The following CPOX variants were observed in gnomAD, a reference collection of about 807,000 sequenced individuals.
The protein encoded by CPOX is oxygen-dependent coproporphyrinogen-III oxidase, mitochondrial.
A neutral mutation model predicts 48.9 loss-of-function variants in CPOX; 24 were observed. The observed-to-expected ratio is 0.49, with a 90% CI of 0.36 to 0.69. CPOX has a LOEUF of 0.69. CPOX is among the 30% of genes least tolerant of loss of function. CPOX has a pLI of 0.00. For missense variants in CPOX, 549 were observed against 597.3 expected (o/e 0.92, Z 0.84); for synonymous variants, 249 against 234.6 (o/e 1.06, Z -0.56).
At chr3:98,588,571 T>A (rs1417541122) in intron 4 of CPOX, 142 bp downstream of exon 4, 4 of 762,122 alleles carry the variant, frequency 5.2e-6, no homozygotes, top group Non-Finnish European at 8.9e-6. Flanking sequence ...TTAAAACCAG[T>A]ATTCTAATTC....
chr3:98,576,918 G>T (rs182460360), downstream of CPOX, among the ~76,000 whole-genome samples: 302 of 152,264 alleles, frequency 2.0e-3, no homozygotes, highest in African/African-American at 7.1e-3. Context: ...AATAAGGAAA[G>T]ATCCACCTTC....
At position 98,580,438 on chromosome 3, in the gene CPOX, A is replaced by T; in HGVS notation, c.*245T>A. On this transcript the variant is annotated 3_prime_UTR_variant, in exon 7 of 7. Coordinates refer to ENST00000647941, the MANE Select transcript of CPOX (RefSeq NM_000097.7). ...GGAAACTCAATGTCCTATTTTGTAAACTAGTCATATAAAATGACACTAGAA... is the reference window on the plus strand; with the variant it reads ...GGAAACTCAATGTCCTATTTTGTAATCTAGTCATATAAAATGACACTAGAA... 1 of 1,324,126 alleles carries T rather than the reference A, an allele frequency of 7.6e-7. No homozygotes were observed. The allele number at this position is 1,324,126 out of a possible 1,614,324, so 82.0% of individuals were successfully genotyped here.
chr3:98,577,213 T>A (rs1041841716), downstream of CPOX, among the ~76,000 whole-genome samples: 27 of 151,898 alleles, frequency 1.8e-4, no homozygotes, highest in Non-Finnish European at 3.7e-4. Flanking sequence ...CACAGAGAAA[T>A]GTAGAAGATA....
At chr3:98,573,455 C>T in the CPOX span, among the ~76,000 whole-genome samples, 1 of 152,030 alleles carries the variant, frequency 6.6e-6, no homozygotes, top group Non-Finnish European at 1.5e-5. Context: ...TTCTTTGCCT[C>T]TCCTCTTTTT....
downstream of CPOX, among the ~76,000 whole-genome samples, chr3:98,577,280 T>C (rs1707177010): frequency 6.6e-6 from 1 of 152,184 alleles, no homozygotes; most frequent in African/African-American, 2.4e-5. Context: ...CAGACTGACT[T>C]TAGAATTCTG....
intron 5 of CPOX, among the ~76,000 whole-genome samples, chr3:98,582,345 G>A (rs1707273589): frequency 6.6e-6 from 1 of 152,106 alleles, no homozygotes; most frequent in Non-Finnish European, 1.5e-5. Context: ...TCAATAAACA[G>A]TGCCCCTTTC....
intron 4 of CPOX, among the ~76,000 whole-genome samples, chr3:98,587,328 A>G (rs1707383148): frequency 6.6e-6 from 1 of 152,096 alleles, no homozygotes; most frequent in South Asian, 2.1e-4. Flanking sequence ...TCTCTCTTTA[A>G]AACATTACAA....
chr3:98,590,893 G>T (rs530350519), intron 2 of CPOX, 119 bp downstream of exon 2: 2 of 1,288,940 alleles, frequency 1.6e-6, no homozygotes, highest in Admixed American at 1.8e-5. Context: ...ATTTGTCAAC[G>T]TGCGGCATAT....
chr3:98,575,515 G>C (rs533388968), downstream of CPOX, among the ~76,000 whole-genome samples: 1 of 152,206 alleles, frequency 6.6e-6, no homozygotes, highest in Non-Finnish European at 1.5e-5. Flanking sequence ...CTTGTAGGCC[G>C]GGCACCGTGG....
the CPOX span, among the ~76,000 whole-genome samples, chr3:98,570,553 G>A: frequency 1.3e-5 from 2 of 152,026 alleles, no homozygotes; most frequent in South Asian, 4.1e-4. Context: ...AAATACGTGG[G>A]AAAAATACTT....
chr3:98,593,534 T>C lies in CPOX; in HGVS notation c.-30A>G. On this transcript the variant is annotated 5_prime_UTR_variant, in exon 1 of 7. Transcript: ENST00000647941. ...CCGCACTATCACCTGGAGCAGTGCC[T>C]GCGTCCCAGAGCCCTGCGTTTGAGC... 1 of 1,512,170 alleles carries C rather than the reference T, an allele frequency of 6.6e-7. No homozygotes were observed. Among genetic ancestry groups the C allele is most frequent in the Non-Finnish European group, 8.8e-7 (1 of 1,135,304 alleles). 93.7% of individuals were successfully genotyped at this position (1,512,170 alleles called of 1,614,324 possible). A position where few individuals can be genotyped will look rare whatever the true frequency, so the allele number is the denominator to read the frequency against.
the CPOX span, among the ~76,000 whole-genome samples, chr3:98,572,642 T>TATA: frequency 6.6e-6 from 1 of 152,226 alleles, no homozygotes; most frequent in Non-Finnish European, 1.5e-5. Context: ...TTTACTATAC[T>TATA]GTATTTAACA....
chr3:98,577,755 T>C (rs936486239), downstream of CPOX, among the ~76,000 whole-genome samples: 1 of 152,192 alleles, frequency 6.6e-6, no homozygotes, highest in Admixed American at 6.5e-5. Flanking sequence ...GAGCCACCCA[T>C]AGGCAATGCA....
chr3:98,584,073 C>T (rs187043976), intron 5 of CPOX, among the ~76,000 whole-genome samples: 57 of 152,284 alleles, frequency 3.7e-4, no homozygotes, highest in Non-Finnish European at 5.6e-4. Flanking sequence ...AAAAACAAAA[C>T]AAAACCGCAA....
chr3:98,581,323 A>C, intron 6 of CPOX, 84 bp downstream of exon 6: 1 of 950,866 alleles, frequency 1.1e-6, no homozygotes, highest in Non-Finnish European at 1.7e-6. Context: ...TAGGCACAAC[A>C]TCTGCAGTGT....
rs1475190906 is a variant in CPOX, at chr3:98,585,471, T to C, written c.1142A>G (p.Glu381Gly). The C allele has an allele frequency of 6.2e-7, 1 of 1,613,970 alleles. No homozygotes were observed. Among genetic ancestry groups the C allele is most frequent in the Non-Finnish European group, 8.5e-7 (1 of 1,180,028 alleles). ...KHCDDSFTPQEKLWQQLRRGR... is the reference protein window; with the variant it reads ...KHCDDSFTPQGKLWQQLRRGR... Reference sequence around the variant, plus strand: ...TCTTCTGAGCTGCTGCCACAGCTTCTCCTGGGGGGTGAATGAGTCATCACA... The same window carrying C: ...TCTTCTGAGCTGCTGCCACAGCTTCCCCTGGGGGGTGAATGAGTCATCACA... Residue 381 changes from glutamate (E) to glycine (G), a missense_variant, in exon 5 of 7, where the codon GAG (glutamate) becomes GGG (glycine). By Grantham distance (98) the Glu-to-Gly change is moderately conservative (BLOSUM62 -2). Transcript: ENST00000647941.
At chr3:98,586,215 G>C (rs1707361253) in intron 4 of CPOX, among the ~76,000 whole-genome samples, 1 of 152,160 alleles carries the variant, frequency 6.6e-6, no homozygotes, top group African/African-American at 2.4e-5. Context: ...TTTCACACAA[G>C]TCTCTGTAAA....
intron 6 of CPOX, 142 bp from the exon 7 acceptor site, chr3:98,580,912 G>A: frequency 1.0e-6 from 1 of 990,616 alleles, no homozygotes; most frequent in Non-Finnish European, 1.5e-6. Flanking sequence ...TGCCTGATGT[G>A]CCTTGTACCA....
chr3:98,592,840 C>G (rs1006826922), intron 1 of CPOX, 109 bp downstream of exon 1: 1 of 1,240,518 alleles, frequency 8.1e-7, no homozygotes, highest in Non-Finnish European at 1.2e-6. Flanking sequence ...CTGTGGGTAC[C>G]CCCTACCTAC....
Sources: gnomAD v4.1 joint callset for allele counts (sites outside exome capture counted in the v4.1 genomes callset) on GRCh38, gnomAD v4.1.1 for gene constraint, MANE v1.5 for transcripts, NCBI Gene and HGNC (gene_info 2026-07-23, HGNC 2026-07-21) for gene names.